FILIP1L: variants seen among roughly 807,000 people sequenced by gnomAD.
The protein encoded by FILIP1L is filamin A-interacting protein 1-like.
Under a neutral mutation model 96.6 loss-of-function variants are expected in FILIP1L, and 55 were observed. The ratio of observed to expected loss-of-function variants is 0.57; its 90% CI spans 0.46 to 0.71. The LOEUF is 0.71. Ranked by LOEUF, FILIP1L falls within the 30% of genes least tolerant of loss-of-function variation. FILIP1L has a pLI of 0.00. For missense variants in FILIP1L, 1,304 were observed against 1,321.2 expected, an observed-to-expected ratio of 0.99 and a Z score of 0.20; for synonymous variants, 467 against 473.9, an observed-to-expected ratio of 0.99 and a Z score of 0.19.
In FILIP1L at chr3:99,927,620, C is replaced by T. The variant is rs563701188; in HGVS notation, c.426+2236G>A. On this transcript the variant is annotated intron_variant, in intron 3 of 5. Transcript: ENST00000477258. ...CCGACCTCAGGTGATCTGCCTGCCT[C>T]GGCCTCCCAAAGTGCTGGGATTACA... Among the ~76,000 whole-genome samples the T allele has an allele frequency of 5.0e-4, 76 of 152,096 alleles. 1 individual carries two copies. The highest frequency in any genetic ancestry group is 2.1e-4 in the Non-Finnish European group (14 of 68,018).
intron 4 of FILIP1L, among the ~76,000 whole-genome samples, chr3:99,872,910 C>G (rs1056255358): frequency 6.6e-6 from 1 of 151,566 alleles, no homozygotes; most frequent in East Asian, 1.9e-4. Context: ...CAAGGAGAAT[C>G]TCAAGTCTTT....
At chr3:99,876,463 A>T (rs1433858886) in intron 4 of FILIP1L, among the ~76,000 whole-genome samples, 1 of 152,212 alleles carries the variant, frequency 6.6e-6, no homozygotes, top group Non-Finnish European at 1.5e-5. Context: ...ATCCGCTTGT[A>T]ACTTTTTTCC....
At chr3:99,839,538 T>C (rs1454026571) in intron 5 of FILIP1L, among the ~76,000 whole-genome samples, 2 of 152,188 alleles carry the variant, frequency 1.3e-5, no homozygotes, top group Non-Finnish European at 2.9e-5. Flanking sequence ...GGATTCCTGC[T>C]GAAAACCAAT....
chr3:100,060,342 C>T (rs1264168966), intron 1 of FILIP1L, among the ~76,000 whole-genome samples: 2 of 152,152 alleles, frequency 1.3e-5, no homozygotes, highest in Non-Finnish European at 2.9e-5. Flanking sequence ...ACCTCCTCTT[C>T]CATCCCTTTA....
chr3:99,929,837 C>G lies in FILIP1L; in HGVS notation c.426+19G>C, dbSNP rs1023553925. On this transcript the variant is annotated intron_variant, in intron 3 of 5. Coordinates refer to ENST00000477258, the MANE Select transcript of FILIP1L (RefSeq NM_001387850.1). ...TGCTTGGCTGCCTCCCAGGTACACA[C>G]CCCTATTGTGGTACATACCTCATTC... is the stretch of plus-strand genomic sequence containing the variant. The G allele has an allele frequency of 4.4e-6, 7 of 1,595,850 alleles. No individual in the cohort carries two copies. In the Admixed American group the frequency reaches 1.0e-4, roughly 24 times the overall value.
In FILIP1L at chr3:99,983,422, A is replaced by ATATATATATATATATATATATG. The variant is rs1559713456; in HGVS notation, c.-10-52393_-10-52392insCATATATATATATATATATATA. Among the ~76,000 whole-genome samples the ATATATATATATATATATATATG allele has an allele frequency of 4.6e-5, 4 of 86,930 alleles. 1 individual carries two copies. The highest frequency in any genetic ancestry group is 8.7e-5 in the Non-Finnish European group (4 of 46,060). 57.0% of individuals were successfully genotyped at this position (86,930 alleles called of 152,430 possible). A position where few individuals can be genotyped will look rare whatever the true frequency, so the allele number is the denominator to read the frequency against. On this transcript the variant is annotated intron_variant, in intron 1 of 5. Coordinates refer to ENST00000477258, the MANE Select transcript of FILIP1L (RefSeq NM_001387850.1). The stretch of plus-strand genomic sequence containing the variant: ...TATATATATATATATATATATATGT[A>ATATATATATATATATATATATG]TGTATGTATGTATATATATGTATGT...
intron 1 of FILIP1L, among the ~76,000 whole-genome samples, chr3:100,095,984 A>T (rs2066199262): frequency 6.6e-6 from 1 of 152,212 alleles, no homozygotes; most frequent in Admixed American, 6.5e-5. Context: ...CATTTCTCAA[A>T]CGAAGACATA....
At chr3:99,939,143 A>G (rs2107674191) in intron 1 of FILIP1L, among the ~76,000 whole-genome samples, 1 of 152,320 alleles carries the variant, frequency 6.6e-6, no homozygotes, top group African/African-American at 2.4e-5. Flanking sequence ...AGCCACAGAG[A>G]GAAAATCAAA....
At chr3:99,986,685 TAGA>T (rs905300747) in intron 1 of FILIP1L, among the ~76,000 whole-genome samples, 6 of 152,052 alleles carry the variant, frequency 3.9e-5, no homozygotes, top group African/African-American at 1.4e-4. Context: ...AGAACTCAAG[TAGA>T]AGGAGGAGAA....
Position 100,101,815 on chromosome 3 carries a change from C to T in FILIP1L, c.-11+12238G>A, listed in dbSNP as rs2066311406. 4.6e-5 allele frequency among the ~76,000 whole-genome samples: 7 copies of T among 152,240 alleles called. No individual in the cohort carries two copies. In the South Asian group the frequency reaches 1.5e-3, roughly 32 times the overall value. The stretch of plus-strand genomic sequence containing the variant: ...GCCCCAGTGTGTGATGTTCCCCTTC[C>T]TGTGTCCATGTGTTCTCATTGTTCA... On this transcript the variant is annotated intron_variant, in intron 1 of 5. Transcript: ENST00000477258.
At chr3:100,109,031 C>G (rs1438829781) in intron 1 of FILIP1L, among the ~76,000 whole-genome samples, 1 of 150,648 alleles carries the variant, frequency 6.6e-6, no homozygotes, top group Admixed American at 6.6e-5. Flanking sequence ...CGGTATTATA[C>G]AAGAACAGAG....
chr3:99,961,348 T>G (rs1207948619), intron 1 of FILIP1L, among the ~76,000 whole-genome samples: 1 of 152,176 alleles, frequency 6.6e-6, no homozygotes, highest in Non-Finnish European at 1.5e-5. Context: ...CTCCATGGGG[T>G]GGCAAGCTTA....
intron 1 of FILIP1L, among the ~76,000 whole-genome samples, chr3:99,975,054 C>T (rs1708929041): frequency 6.6e-6 from 1 of 152,146 alleles, no homozygotes. Context: ...TGAGTGACTG[C>T]TAATGTTCCA....
intron 1 of FILIP1L, among the ~76,000 whole-genome samples, chr3:99,970,385 T>C (rs760079143): frequency 1.3e-5 from 2 of 152,236 alleles, no homozygotes; most frequent in African/African-American, 4.8e-5. Context: ...CTCTTAAGCA[T>C]GTAATAACTG....
At chr3:100,038,395 A>G (rs2065146076) in intron 1 of FILIP1L, among the ~76,000 whole-genome samples, 1 of 152,254 alleles carries the variant, frequency 6.6e-6, no homozygotes, top group African/African-American at 2.4e-5. Flanking sequence ...TGAATTATCC[A>G]AAAGCTGATT....
At chr3:99,861,592 G>T (rs1323631424) in intron 4 of FILIP1L, among the ~76,000 whole-genome samples, 1 of 152,086 alleles carries the variant, frequency 6.6e-6, no homozygotes, top group Non-Finnish European at 1.5e-5. Context: ...TCTGTATCTT[G>T]TCTGTTTGCC....
intron 1 of FILIP1L, among the ~76,000 whole-genome samples, chr3:100,079,073 A>C (rs2065894548): frequency 6.6e-6 from 1 of 152,156 alleles, no homozygotes; most frequent in Non-Finnish European, 1.5e-5. Context: ...CTGCAATAGC[A>C]TTCAGCTGAG....
At chr3:100,080,279 G>A (rs935831042) in intron 1 of FILIP1L, among the ~76,000 whole-genome samples, 4 of 151,916 alleles carry the variant, frequency 2.6e-5, no homozygotes, top group Middle Eastern at 3.4e-3. Flanking sequence ...CACTGCACCC[G>A]GCCATCATTT....
rs200099286 is a variant in FILIP1L, at chr3:99,912,094, A to G, written c.605+12136T>C. Among the ~76,000 whole-genome samples, 4 of 152,350 alleles carry G rather than the reference A, an allele frequency of 2.6e-5. No homozygotes were observed. In the East Asian group the frequency reaches 7.7e-4, roughly 29 times the overall value. On this transcript the variant is annotated intron_variant, in intron 4 of 5. Coordinates refer to ENST00000477258, the MANE Select transcript of FILIP1L (RefSeq NM_001387850.1). Reference sequence around the variant, plus strand: ...CATTATCATCAATAGTTTTATATCTATCTTGTTGGTCATTTAAATCAATCA... The same window carrying G: ...CATTATCATCAATAGTTTTATATCTGTCTTGTTGGTCATTTAAATCAATCA...
Sources: allele counts gnomAD v4.1 joint callset (sites outside exome capture counted in the v4.1 genomes callset), GRCh38; gene constraint gnomAD v4.1.1; transcripts MANE v1.5; gene names NCBI Gene and HGNC (gene_info 2026-07-23, HGNC 2026-07-21).